The following EYA2 variants were observed in gnomAD, a reference collection of about 807,000 sequenced individuals.
EYA2 encodes the protein EYA transcriptional coactivator and phosphatase 2.
EYA2 carries 31 observed loss-of-function variants against 69.2 expected under a neutral mutation model. The observed-to-expected ratio is 0.45, with a 90% CI of 0.34 to 0.60. EYA2 has a LOEUF of 0.60. Among genes scored for constraint, EYA2 ranks in the 20% least tolerant of loss-of-function variants. EYA2 has a pLI of 0.02. For synonymous variants in EYA2, 257 were observed against 279.4 expected (o/e 0.92, Z 0.80); for missense variants, 622 against 701.2 (o/e 0.89, Z 1.28).
intron 1 of EYA2, among the ~76,000 whole-genome samples, chr20:46,900,991 C>T (rs1178903163): frequency 6.6e-6 from 1 of 152,210 alleles, no homozygotes; most frequent in African/African-American, 2.4e-5. Flanking sequence ...ACCACTAGTT[C>T]TCGTTACCTT....
At chr20:46,895,102 G>A (rs1265541969) in intron 1 of EYA2, 115 bp downstream of exon 1, 2 of 152,274 alleles carry the variant, frequency 1.3e-5, no homozygotes, top group Non-Finnish European at 2.9e-5. Context: ...CGCCAAGCGG[G>A]GCCTCCGCAG....
intron 9 of EYA2, among the ~76,000 whole-genome samples, chr20:47,121,437 G>C (rs955371731): frequency 2.6e-5 from 4 of 152,188 alleles, no homozygotes; most frequent in South Asian, 4.1e-4. Context: ...TCTTGGGTGA[G>C]TTTGGGTAGT....
intron 1 of EYA2, among the ~76,000 whole-genome samples, chr20:46,933,438 A>C (rs1405582217): frequency 6.6e-6 from 1 of 152,120 alleles, no homozygotes; most frequent in Non-Finnish European, 1.5e-5. Context: ...CTCCAGATGG[A>C]TGTAGGTGGG....
chr20:47,050,091 A>G (rs2030251257), intron 5 of EYA2, among the ~76,000 whole-genome samples: 1 of 152,056 alleles, frequency 6.6e-6, no homozygotes, highest in African/African-American at 2.4e-5. Context: ...GGTGATGTTA[A>G]CCTTGATCAT....
chr20:47,053,080 C>T (rs1342031771), intron 5 of EYA2, among the ~76,000 whole-genome samples: 1 of 152,144 alleles, frequency 6.6e-6, no homozygotes, highest in Non-Finnish European at 1.5e-5. Context: ...GAATTGGCCA[C>T]CCTCCATGGT....
chr20:47,024,840 A>G (rs936872545), intron 5 of EYA2, among the ~76,000 whole-genome samples: 1 of 152,232 alleles, frequency 6.6e-6, no homozygotes, highest in Admixed American at 6.5e-5. Context: ...CTTGTTACTC[A>G]GTCTTGGCCA....
chr20:46,973,864 A>G (rs1376980612), intron 1 of EYA2, among the ~76,000 whole-genome samples: 1 of 152,146 alleles, frequency 6.6e-6, no homozygotes, highest in East Asian at 1.9e-4. Flanking sequence ...CAAGAATAAA[A>G]ACATTTTTAA....
At chr20:47,168,014 G>A (rs2903940) in intron 10 of EYA2, among the ~76,000 whole-genome samples, 81,802 of 151,560 alleles carry the variant, frequency 0.54, 22,736 homozygotes, top group African/African-American at 0.68. Flanking sequence ...CCACCATTCA[G>A]CAGCCCCAGG....
At chr20:46,943,403 C>A (rs1348071890) in intron 1 of EYA2, among the ~76,000 whole-genome samples, 1 of 152,204 alleles carries the variant, frequency 6.6e-6, no homozygotes, top group Non-Finnish European at 1.5e-5. Context: ...AACTTGCTCA[C>A]TGCAAGTCTC....
At chr20:47,160,979 G>T in intron 10 of EYA2, 1 of 295,772 alleles carries the variant, frequency 3.4e-6, no homozygotes, top group East Asian at 8.4e-5. Context: ...CAGAGGTTGG[G>T]GGTCGGGTAG....
At chr20:46,901,650 T>C (rs1984116476) in intron 1 of EYA2, 1 of 152,332 alleles carries the variant, frequency 6.6e-6, no homozygotes, top group South Asian at 2.1e-4. Context: ...TCTAGAAACA[T>C]TGATCTCTCC....
intron 1 of EYA2, among the ~76,000 whole-genome samples, chr20:46,904,178 G>A (rs1272643679): frequency 6.6e-6 from 1 of 152,136 alleles, no homozygotes; most frequent in African/African-American, 2.4e-5. Flanking sequence ...GGAGACAGCA[G>A]TTAACTGTTC....
intron 1 of EYA2, among the ~76,000 whole-genome samples, chr20:46,965,407 C>A (rs1403557895): frequency 6.6e-6 from 1 of 152,224 alleles, no homozygotes; most frequent in African/African-American, 2.4e-5. Flanking sequence ...GAGCTTCCAG[C>A]CCAGGCAGGC....
intron 1 of EYA2, among the ~76,000 whole-genome samples, chr20:46,955,027 T>TC (rs1169356454): frequency 1.3e-5 from 2 of 152,212 alleles, no homozygotes; most frequent in Non-Finnish European, 2.9e-5. Flanking sequence ...CTGAGTTGAT[T>TC]TCCTGGTGCT....
At chr20:47,094,668 A>C (rs1413236785) in intron 8 of EYA2, among the ~76,000 whole-genome samples, 1 of 152,240 alleles carries the variant, frequency 6.6e-6, no homozygotes, top group Non-Finnish European at 1.5e-5. Context: ...CTAGCTACAG[A>C]GTTAGTCAGG....
chr20:47,106,477 C>T (rs1335745156), intron 9 of EYA2, among the ~76,000 whole-genome samples: 1 of 152,150 alleles, frequency 6.6e-6, no homozygotes, highest in Non-Finnish European at 1.5e-5. Context: ...CTTTTTCCTT[C>T]CTCACCAGGT....
At chr20:47,059,375 C>T (rs1200118587) in intron 5 of EYA2, among the ~76,000 whole-genome samples, 3 of 152,128 alleles carry the variant, frequency 2.0e-5, no homozygotes, top group African/African-American at 4.8e-5. Flanking sequence ...TGTGTGTTGA[C>T]ATGGAGTCTC....
chr20:46,951,104 G>T (rs1225788618), intron 1 of EYA2, among the ~76,000 whole-genome samples: 1 of 152,162 alleles, frequency 6.6e-6, no homozygotes, highest in Non-Finnish European at 1.5e-5. Context: ...CATGGAAATG[G>T]TATTTGCCGA....
At chr20:46,966,334 T>C (rs1979779799) in intron 1 of EYA2, among the ~76,000 whole-genome samples, 1 of 152,144 alleles carries the variant, frequency 6.6e-6, no homozygotes, top group Non-Finnish European at 1.5e-5. Flanking sequence ...TCATCACATA[T>C]TCTGTGGCAG....
Sources: gnomAD v4.1 joint callset for allele counts (sites outside exome capture counted in the v4.1 genomes callset) on GRCh38, gnomAD v4.1.1 for gene constraint, MANE v1.5 for transcripts, NCBI Gene and HGNC (gene_info 2026-07-23, HGNC 2026-07-21) for gene names.